Variants in COL25A1 observed in about 807,000 individuals in gnomAD.
The protein encoded by COL25A1 is collagen type XXV alpha 1 chain, also known as collagen alpha-1(XXV) chain.
In COL25A1, 103 loss-of-function variants were observed where a neutral mutation model predicts 128.4. The ratio of observed to expected loss-of-function variants is 0.80; its 90% confidence interval spans 0.68 to 0.94. The LOEUF (loss-of-function observed/expected upper bound fraction) is 0.94, where lower values mean the gene tolerates loss of function less well. COL25A1 is among the 40% of genes least tolerant of loss of function. The pLI is 0.00. For missense variants in COL25A1, 745 were observed against 840.0 expected (o/e 0.89, Z 1.40); for synonymous variants, 279 against 277.2 (o/e 1.01, Z -0.06).
rs752222633 is a variant in COL25A1, at chr4:108,862,500, C to A, written c.1197+1G>T. On this transcript the variant is annotated splice_donor_variant, in intron 22 of 37. Coordinates refer to ENST00000399132, the MANE Select transcript of COL25A1 (RefSeq NM_198721.4). LOFTEE classifies it high-confidence loss of function. ...ATTTAAATGGTTATCTGGTTACTGA[C>A]CTTTGACCCCTTTGGGCCTCTAGTT... 6.2e-7 allele frequency: 1 copy of A among 1,609,640 alleles called. No homozygotes were observed. The highest frequency in any genetic ancestry group is 8.5e-7 in the Non-Finnish European group (1 of 1,176,042).
intron 8 of COL25A1, among the ~76,000 whole-genome samples, chr4:108,964,365 C>T (rs559038668): frequency 1.6e-4 from 25 of 151,808 alleles, no homozygotes; most frequent in African/African-American, 5.3e-4. Flanking sequence ...CATTTCACTA[C>T]TATACTATTT....
At chr4:109,286,124 T>G (rs1210550193) in intron 3 of COL25A1, among the ~76,000 whole-genome samples, 1 of 152,158 alleles carries the variant, frequency 6.6e-6, no homozygotes, top group African/African-American at 2.4e-5. Context: ...GTGTATAGCC[T>G]TCAAAAAGAA....
intron 4 of COL25A1, 62 bp downstream of exon 4, chr4:109,050,073 G>T: frequency 7.3e-7 from 1 of 1,365,258 alleles, no homozygotes; most frequent in Non-Finnish European, 1.0e-6. Flanking sequence ...TAATTAGGAA[G>T]AACAGATGCC....
chr4:109,027,908 T>C (rs1315689646), intron 5 of COL25A1, among the ~76,000 whole-genome samples: 4 of 152,132 alleles, frequency 2.6e-5, no homozygotes, highest in Non-Finnish European at 1.5e-5. Context: ...TTGAGATCTC[T>C]AGGAGACATC....
At chr4:108,996,717 T>C (rs1024221594) in intron 6 of COL25A1, among the ~76,000 whole-genome samples, 3 of 152,180 alleles carry the variant, frequency 2.0e-5, no homozygotes, top group African/African-American at 7.2e-5. Context: ...ATTAACCACA[T>C]AATTGATACT....
chr4:109,091,616 T>A (rs1298585382), intron 3 of COL25A1, among the ~76,000 whole-genome samples: 2 of 152,090 alleles, frequency 1.3e-5, no homozygotes, highest in Non-Finnish European at 2.9e-5. Flanking sequence ...CAAGAGCATA[T>A]ATCACTTCCT....
intron 3 of COL25A1, among the ~76,000 whole-genome samples, chr4:109,061,871 A>G (rs1207848553): frequency 6.6e-6 from 1 of 152,204 alleles, no homozygotes; most frequent in East Asian, 1.9e-4. Flanking sequence ...TAATTCTAGC[A>G]CTTTACTGCT....
chr4:109,010,466 T>C (rs1269933630), intron 5 of COL25A1, 91 bp from the exon 6 acceptor site: 1 of 867,172 alleles, frequency 1.2e-6, no homozygotes, highest in Non-Finnish European at 1.8e-6. Flanking sequence ...TCTGGAAATA[T>C]TCACAAATAT....
chr4:109,246,316 G>A (rs1362304903), intron 3 of COL25A1, among the ~76,000 whole-genome samples: 2 of 152,114 alleles, frequency 1.3e-5, no homozygotes, highest in Non-Finnish European at 2.9e-5. Context: ...GGTAGAGCTA[G>A]AAAACTACTA....
chr4:109,113,950 C>T (rs957368800), intron 3 of COL25A1, among the ~76,000 whole-genome samples: 27 of 152,026 alleles, frequency 1.8e-4, no homozygotes, highest in African/African-American at 6.5e-4. Context: ...CTTAAAGAAT[C>T]ACCATAAGCG....
chr4:109,282,309 G>A (rs1723451875), intron 3 of COL25A1, among the ~76,000 whole-genome samples: 1 of 152,058 alleles, frequency 6.6e-6, no homozygotes. Context: ...AAAACCTTCA[G>A]GACAAAACAT....
chr4:109,214,098 T>C (rs1238322374), intron 3 of COL25A1, among the ~76,000 whole-genome samples: 1 of 152,020 alleles, frequency 6.6e-6, no homozygotes, highest in East Asian at 1.9e-4. Flanking sequence ...AGATTAATGA[T>C]CTGGGCTTTA....
At chr4:109,080,922 A>G (rs565747516) in intron 3 of COL25A1, among the ~76,000 whole-genome samples, 2 of 152,340 alleles carry the variant, frequency 1.3e-5, no homozygotes, top group South Asian at 4.1e-4. Context: ...TGCTAGATGC[A>G]TAATATACTT....
chr4:108,866,108 A>G (rs1020093576), intron 20 of COL25A1, among the ~76,000 whole-genome samples: 2 of 152,118 alleles, frequency 1.3e-5, no homozygotes, highest in Non-Finnish European at 2.9e-5. Flanking sequence ...GCAGAAAAAT[A>G]TTTGATCAAA....
chr4:109,038,435 A>G (rs1003939441), intron 5 of COL25A1, among the ~76,000 whole-genome samples: 5 of 152,136 alleles, frequency 3.3e-5, no homozygotes, highest in Admixed American at 2.0e-4. Context: ...CGCATGACCA[A>G]TTCCATAAAA....
chr4:109,116,763 T>C (rs1055556178), intron 3 of COL25A1, among the ~76,000 whole-genome samples: 1 of 151,982 alleles, frequency 6.6e-6, no homozygotes, highest in African/African-American at 2.4e-5. Flanking sequence ...TAAAAGTATA[T>C]AATATGCAAG....
At chr4:108,866,784 T>C (rs1425082087) in intron 20 of COL25A1, among the ~76,000 whole-genome samples, 1 of 152,234 alleles carries the variant, frequency 6.6e-6, no homozygotes, top group African/African-American at 2.4e-5. Context: ...ACTTAACATA[T>C]GTGGATTCAA....
chr4:109,059,316 A>T (rs1269051965), intron 3 of COL25A1, among the ~76,000 whole-genome samples: 2 of 152,212 alleles, frequency 1.3e-5, no homozygotes, highest in East Asian at 1.9e-4. Flanking sequence ...TGGGTTAGGG[A>T]TGTATATCCA....
intron 3 of COL25A1, among the ~76,000 whole-genome samples, chr4:109,137,984 A>ATGTGTGTG (rs10700157): frequency 1.9e-3 from 269 of 142,586 alleles, no homozygotes; most frequent in East Asian, 5.1e-3. Flanking sequence ...TTATATATAT[A>ATGTGTGTG]TGTGTGTGTG....
Sources: allele counts gnomAD v4.1 joint callset (sites outside exome capture counted in the v4.1 genomes callset), GRCh38; gene constraint gnomAD v4.1.1; transcripts MANE v1.5; gene names NCBI Gene and HGNC (gene_info 2026-07-23, HGNC 2026-07-21).